Variants in RALYL observed in about 807,000 individuals in gnomAD.
The protein encoded by RALYL is RNA-binding Raly-like protein.
RALYL carries 29 observed loss-of-function variants against 35.1 expected under a neutral mutation model. The observed-to-expected ratio is 0.83, with a 90% CI of 0.61 to 1.13. The LOEUF is 1.13. Among genes scored for constraint, RALYL ranks in the 50% most tolerant of loss-of-function variants. The pLI is 0.00. For missense variants in RALYL, 359 were observed against 360.4 expected (o/e 1.00, Z 0.03); for synonymous variants, 120 against 127.6 (o/e 0.94, Z 0.40).
intron 2 of RALYL, among the ~76,000 whole-genome samples, chr8:84,675,797 T>G (rs747699462): frequency 1.3e-5 from 2 of 152,138 alleles, no homozygotes; most frequent in Non-Finnish European, 2.9e-5. Context: ...TGTATATTAT[T>G]CAGGTGATGG....
chr8:84,751,555 G>A (rs1282127853), intron 2 of RALYL, among the ~76,000 whole-genome samples: 1 of 152,092 alleles, frequency 6.6e-6, no homozygotes, highest in Non-Finnish European at 1.5e-5. Flanking sequence ...TTGGATTTGT[G>A]TGTCTGCCCA....
At chr8:84,321,956 A>G (rs1844922038) in intron 1 of RALYL, among the ~76,000 whole-genome samples, 1 of 152,102 alleles carries the variant, frequency 6.6e-6, no homozygotes, top group African/African-American at 2.4e-5. Flanking sequence ...TAAAGGGATC[A>G]ATTCTCCAAG....
chr8:84,712,547 C>T (rs1193547512), intron 2 of RALYL, among the ~76,000 whole-genome samples: 1 of 152,110 alleles, frequency 6.6e-6, no homozygotes, highest in East Asian at 1.9e-4. Context: ...CACTTTTGTA[C>T]CAGGTGAGCA....
intron 7 of RALYL, among the ~76,000 whole-genome samples, chr8:84,883,256 G>C (rs1277228009): frequency 1.3e-5 from 2 of 151,874 alleles, no homozygotes; most frequent in Non-Finnish European, 2.9e-5. Context: ...ATATACCACT[G>C]CCTTTGAAAT....
intron 4 of RALYL, among the ~76,000 whole-genome samples, chr8:84,805,103 A>G (rs1379459594): frequency 6.6e-6 from 1 of 152,126 alleles, no homozygotes; most frequent in African/African-American, 2.4e-5. Context: ...TGGTTTTAAA[A>G]ATTCCTCTGA....
intron 2 of RALYL, among the ~76,000 whole-genome samples, chr8:84,766,660 G>T (rs1315401713): frequency 7.2e-6 from 1 of 139,292 alleles, no homozygotes. Flanking sequence ...AGAGGCAGAG[G>T]TTGCAGTGAG....
intron 2 of RALYL, among the ~76,000 whole-genome samples, chr8:84,538,008 G>A (rs1026968206): frequency 1.1e-4 from 17 of 152,146 alleles, no homozygotes; most frequent in Non-Finnish European, 2.9e-5. Flanking sequence ...ACAATACTAT[G>A]TGGGTTATAA....
At chr8:84,884,817 C>A (rs2135397955) in intron 7 of RALYL, among the ~76,000 whole-genome samples, 1 of 152,052 alleles carries the variant, frequency 6.6e-6, no homozygotes, top group Non-Finnish European at 1.5e-5. Context: ...ATTTCTATTT[C>A]TCTCTCTTTC....
intron 2 of RALYL, among the ~76,000 whole-genome samples, chr8:84,571,426 T>C (rs1032631716): frequency 2.6e-5 from 4 of 151,878 alleles, no homozygotes; most frequent in Admixed American, 2.6e-4. Context: ...TAGTCTCTGA[T>C]GATCTTTTGT....
chr8:84,410,872 A>G (rs188019766), intron 1 of RALYL, among the ~76,000 whole-genome samples: 8 of 151,888 alleles, frequency 5.3e-5, no homozygotes, highest in African/African-American at 1.4e-4. Context: ...TTCTGCTTGA[A>G]TTCCTGGTTT....
intron 1 of RALYL, among the ~76,000 whole-genome samples, chr8:84,275,124 A>AT (rs1000975167): frequency 4.6e-5 from 7 of 152,190 alleles, no homozygotes; most frequent in East Asian, 1.9e-4. Context: ...TATTTTCCTT[A>AT]TTTTTTAGAC....
rs1259051529 is a variant in RALYL, at chr8:84,452,922, GAT to G, written c.-23-76376_-23-76375del. Among the ~76,000 whole-genome samples, 10 of 151,972 alleles carry G rather than the reference GAT, an allele frequency of 6.6e-5. No homozygotes were observed. The East Asian group carries it at 1.7e-3, about 27-fold the overall frequency. ...TAAAGGGAAATTCAGCCAATTTCCT[GAT>G]TTTATATTCTTGATATAAAGGGGCT... On this transcript the variant is annotated intron_variant, in intron 1 of 8. Coordinates refer to ENST00000521268, the MANE Select transcript of RALYL (RefSeq NM_173848.7).
rs985000786 is a variant in RALYL, at chr8:84,516,968, C to T, written c.-23-12331C>T. On this transcript the variant is annotated intron_variant, in intron 1 of 8. Coordinates refer to ENST00000521268, the MANE Select transcript of RALYL (RefSeq NM_173848.7). The stretch of plus-strand genomic sequence containing the variant: ...GAATATTTCTGCAAAAATAAAACAG[C>T]CTGCATAGAATTGGCCAATCTCTGG... Among the ~76,000 whole-genome samples the T allele has an allele frequency of 5.3e-5, 8 of 152,106 alleles. 1 individual carries two copies. Among genetic ancestry groups the T allele is most frequent in the Admixed American group, 5.2e-4 (8 of 15,264 alleles).
chr8:84,376,569 C>T (rs1435194898), intron 1 of RALYL, among the ~76,000 whole-genome samples: 1 of 151,692 alleles, frequency 6.6e-6, no homozygotes, highest in Non-Finnish European at 1.5e-5. Context: ...ATTGAGGAAG[C>T]AGGGTACTTG....
intron 1 of RALYL, among the ~76,000 whole-genome samples, chr8:84,398,847 G>A (rs867422255): frequency 1.4e-4 from 21 of 152,010 alleles, no homozygotes; most frequent in Middle Eastern, 6.8e-3. Flanking sequence ...GTTGGCATGC[G>A]CCCGTAGTCC....
chr8:84,852,524 G>T (rs1563745882), intron 5 of RALYL, among the ~76,000 whole-genome samples: 1 of 152,006 alleles, frequency 6.6e-6, no homozygotes, highest in Non-Finnish European at 1.5e-5. Flanking sequence ...CACTTGCTAC[G>T]AATAAAGTTT....
At chr8:84,638,965 GACACACAC>G (rs60361195) in intron 2 of RALYL, among the ~76,000 whole-genome samples, 2,567 of 115,974 alleles carry the variant, frequency 0.022, 96 homozygotes, top group African/African-American at 0.076. Context: ...CACACACACA[GACACACAC>G]ACACACACAC....
intron 1 of RALYL, among the ~76,000 whole-genome samples, chr8:84,375,434 T>C (rs1264323208): frequency 6.6e-6 from 1 of 151,832 alleles, no homozygotes; most frequent in Non-Finnish European, 1.5e-5. Flanking sequence ...GAGAGCACAT[T>C]CTGATGTTTA....
At chr8:84,377,462 T>G (rs937941416) in intron 1 of RALYL, among the ~76,000 whole-genome samples, 4 of 146,838 alleles carry the variant, frequency 2.7e-5, no homozygotes, top group Admixed American at 6.8e-5. Flanking sequence ...TTTTTTTTTT[T>G]TTTTTTTTTT....
Sources: allele counts gnomAD v4.1 joint callset (sites outside exome capture counted in the v4.1 genomes callset), GRCh38; gene constraint gnomAD v4.1.1; transcripts MANE v1.5; gene names NCBI Gene and HGNC (gene_info 2026-07-23, HGNC 2026-07-21).